The following PCGF3 variants were observed in gnomAD, a reference collection of about 807,000 sequenced individuals.
PCGF3 encodes the protein polycomb group ring finger 3.
Under a neutral mutation model 33.1 loss-of-function variants are expected in PCGF3, and 7 were observed. The observed-to-expected ratio is 0.21, with a 90% CI of 0.12 to 0.40. The LOEUF (loss-of-function observed/expected upper bound fraction) is 0.40, where lower values mean the gene tolerates loss of function less well. Ranked by LOEUF, PCGF3 falls within the 10% of genes least tolerant of loss-of-function variation. The pLI is 1.00. For missense variants in PCGF3, 211 were observed against 313.3 expected (o/e 0.67, Z 2.46); for synonymous variants, 153 against 121.3 (o/e 1.26, Z -1.72).
At chr4:714,497 C>T (rs769664929) in intron 1 of PCGF3, among the ~76,000 whole-genome samples, 1 of 152,234 alleles carries the variant, frequency 6.6e-6, no homozygotes, top group Non-Finnish European at 1.5e-5. Flanking sequence ...ACCTACTTCA[C>T]GGCGTTACCT....
intron 8 of PCGF3, among the ~76,000 whole-genome samples, chr4:758,584 T>A (rs1374247353): frequency 1.7e-5 from 2 of 119,240 alleles, no homozygotes; most frequent in Non-Finnish European, 3.4e-5. Flanking sequence ...GCACGGCCCC[T>A]CCCCCGAGTT....
At chr4:757,778 C>T (rs1206441223) in intron 8 of PCGF3, 1 of 152,148 alleles carries the variant, frequency 6.6e-6, no homozygotes, top group Non-Finnish European at 1.5e-5. Context: ...TAGTAACTTT[C>T]TTTAATCTCT....
intron 9 of PCGF3, chr4:761,848 G>C: frequency 3.0e-6 from 3 of 985,430 alleles, no homozygotes; most frequent in Non-Finnish European, 2.4e-6. Context: ...ATGCCAGTGT[G>C]GGTCCCTGTG....
At chr4:762,087 C>T (rs1577447169) in intron 9 of PCGF3, 1 of 985,328 alleles carries the variant, frequency 1.0e-6, no homozygotes, top group Non-Finnish European at 1.2e-6. Flanking sequence ...ACTTGAGATG[C>T]TGTCTGTAGC....
intron 10 of PCGF3, 149 bp from the exon 11 acceptor site, chr4:765,883 C>T (rs1215502596): frequency 1.9e-5 from 13 of 687,448 alleles, no homozygotes; most frequent in Middle Eastern, 3.1e-4. Context: ...GGGGACCCTT[C>T]TGTTGCTCAG....
intron 9 of PCGF3, among the ~76,000 whole-genome samples, chr4:763,676 A>T (rs986823681): frequency 6.6e-6 from 1 of 151,732 alleles, no homozygotes; most frequent in South Asian, 2.1e-4. Flanking sequence ...CACGAAACAC[A>T]CTCTCGGCAA....
intron 9 of PCGF3, 144 bp from the exon 10 acceptor site, chr4:764,840 A>C (rs551525258): frequency 1.6e-6 from 1 of 620,608 alleles, no homozygotes; most frequent in Admixed American, 2.6e-5. Context: ...GGAGGAATAC[A>C]TGAACCAGCC....
In PCGF3 at chr4:751,813, C is replaced by T. The variant is rs529704865; in HGVS notation, c.462+7125C>T. The stretch of plus-strand genomic sequence containing the variant: ...TGTTCAGCAGCCAACTCAGAGCAGC[C>T]GAGGCTCAGGGTGGCATCAGCCGGC... On this transcript the variant is annotated intron_variant, in intron 8 of 10. Transcript: ENST00000362003. Among the ~76,000 whole-genome samples, 239 of 152,098 alleles carry T rather than the reference C, an allele frequency of 1.6e-3. 2 individuals are homozygous for T. The highest frequency in any genetic ancestry group is 0.014 in the Admixed American group (218 of 15,298).
At chr4:769,768 A>G (rs1745544516) in exon 11 of PCGF3, 1 of 135,110 alleles carries the variant, frequency 7.4e-6, no homozygotes, top group South Asian at 2.1e-4. Context: ...TGCCTATCAG[A>G]CGCATTTTCC....
At chr4:761,108 G>A (rs192344983) in intron 8 of PCGF3, among the ~76,000 whole-genome samples, 171 bp from the exon 9 acceptor site, 1 of 152,368 alleles carries the variant, frequency 6.6e-6, no homozygotes, top group East Asian at 1.9e-4. Context: ...CAGGTTTTCA[G>A]ATAAGGTATG....
At position 765,205 on chromosome 4, in the gene PCGF3, G is replaced by A. The variant is rs535117150; in HGVS notation, c.681+141G>A. The A allele has an allele frequency of 1.5e-4, 92 of 602,248 alleles. 1 individual carries two copies. The highest frequency in any genetic ancestry group is 3.7e-4 in the African/African-American group (20 of 53,746). 37.3% of individuals were successfully genotyped at this position (602,248 alleles called of 1,614,324 possible). On this transcript the variant is annotated intron_variant, in intron 10 of 10. Coordinates refer to ENST00000362003, the Ensembl canonical transcript of PCGF3. ...TCCCAGCACTTTGGGAGGACGAGGC[G>A]GGCGGATCACGAGGTCAGGAGATCC... is the stretch of plus-strand genomic sequence containing the variant.
chr4:753,607 C>T (rs1744626478), intron 8 of PCGF3, among the ~76,000 whole-genome samples: 1 of 150,440 alleles, frequency 6.6e-6, no homozygotes, highest in African/African-American at 2.5e-5. Flanking sequence ...CACGCCACTG[C>T]ACTCCAGCCT....
intron 8 of PCGF3, among the ~76,000 whole-genome samples, chr4:755,061 CAG>C (rs1224351320): frequency 6.6e-6 from 1 of 152,222 alleles, no homozygotes; most frequent in Non-Finnish European, 1.5e-5. Context: ...TCTTTACAAT[CAG>C]AGTTGCATTT....
At chr4:760,251 C>T (rs927814465) in intron 8 of PCGF3, among the ~76,000 whole-genome samples, 5 of 152,182 alleles carry the variant, frequency 3.3e-5, no homozygotes, top group African/African-American at 1.2e-4. Context: ...TGTTTCTTAA[C>T]ACTTCCTTTC....
rs114585256 is a variant in PCGF3, at chr4:733,875, C to T, written c.109+86C>T. 1,058 of 1,606,760 alleles carry T rather than the reference C, an allele frequency of 6.6e-4. 5 individuals carry two copies. The African/African-American group carries it at 0.013, about 19-fold the overall frequency. On this transcript the variant is annotated intron_variant, in intron 4 of 10. Transcript: ENST00000362003. ...GAACCTTGGCTTTTGTGTTACCACA[C>T]GCTTTTAGCTCAAGCCCGACAAAAG... is the stretch of plus-strand genomic sequence containing the variant.
intron 6 of PCGF3, among the ~76,000 whole-genome samples, chr4:740,410 C>T (rs1255298444): frequency 1.3e-5 from 2 of 152,170 alleles, no homozygotes; most frequent in East Asian, 3.9e-4. Context: ...GTAGAGGCAA[C>T]ATGTTTAAAA....
chr4:711,900 G>A (rs1255904607), intron 1 of PCGF3, among the ~76,000 whole-genome samples: 2 of 151,534 alleles, frequency 1.3e-5, no homozygotes, highest in East Asian at 3.9e-4. Context: ...AGCGGAGTTT[G>A]CAGTGATCTG....
chr4:738,959 C>T (rs530909034), intron 6 of PCGF3, among the ~76,000 whole-genome samples: 2 of 152,312 alleles, frequency 1.3e-5, no homozygotes, highest in Admixed American at 1.3e-4. Context: ...ACCACCACCC[C>T]CCGCCAGCAG....
chr4:764,316 G>T (rs973651745), intron 9 of PCGF3, among the ~76,000 whole-genome samples: 1 of 152,186 alleles, frequency 6.6e-6, no homozygotes, highest in Non-Finnish European at 1.5e-5. Context: ...AAAGACTGGG[G>T]AGCCTAGTGC....
Sources: allele counts gnomAD v4.1 joint callset (sites outside exome capture counted in the v4.1 genomes callset), GRCh38; gene constraint gnomAD v4.1.1; transcripts MANE v1.5; gene names NCBI Gene and HGNC (gene_info 2026-07-23, HGNC 2026-07-21).